Variants in LRCH1 observed in about 807,000 individuals in gnomAD.
The protein encoded by LRCH1 is leucine-rich repeat and calponin homology domain-containing protein 1.
In LRCH1, 23 loss-of-function variants were observed where a neutral mutation model predicts 94.9. The ratio of observed to expected loss-of-function variants is 0.24; its 90% CI spans 0.17 to 0.34. LRCH1 has a LOEUF of 0.34. Ranked by LOEUF, LRCH1 falls within the 10% of genes least tolerant of loss-of-function variation. The probability of loss-of-function intolerance (pLI) is 1.00; values close to 1 mark genes in which losing one functional copy is unlikely to be tolerated. For synonymous variants in LRCH1, 364 were observed against 354.9 expected (o/e 1.03, Z -0.29); for missense variants, 790 against 945.9 (o/e 0.84, Z 2.16).
rs3803191 is a variant in LRCH1 at position 46,578,445 on chromosome 13, G to A, written c.307+24742G>A. On this transcript the variant is annotated intron_variant, in intron 1 of 19. Coordinates refer to ENST00000389797, the MANE Select transcript of LRCH1 (RefSeq NM_001164211.2). ...CAGCTGGAGGATCTCATTAAAATTC[G>A]GAGGAAAATATGAAGGCTGGAGCCT... is the stretch of plus-strand genomic sequence containing the variant. Among the ~76,000 whole-genome samples the A allele has an allele frequency of 4.1e-4, 62 of 152,286 alleles. No individual in the cohort carries two copies. In the East Asian group the frequency reaches 7.7e-3, roughly 19 times the overall value.
chr13:46,731,984 T>G (rs1873132899), intron 18 of LRCH1, among the ~76,000 whole-genome samples: 1 of 152,242 alleles, frequency 6.6e-6, no homozygotes, highest in African/African-American at 2.4e-5. Context: ...ATACTGTACC[T>G]TCCTTTAGGT....
At position 46,743,617 on chromosome 13, in the gene LRCH1, A is replaced by T; in HGVS notation, c.*1769A>T. ...GATTATTCCAAGTTTTTATCAGCCC[A>T]TTGATACATGTATTCATGAGCTCTC... On this transcript the variant is annotated 3_prime_UTR_variant, in exon 20 of 20. Transcript: ENST00000389797. The T allele has an allele frequency of 5.1e-6, 5 of 985,564 alleles. No individual in the cohort carries two copies. Among genetic ancestry groups the T allele is most frequent in the Non-Finnish European group, 6.0e-6 (5 of 829,916 alleles). The allele number at this position is 985,564 out of a possible 1,614,324, so 61.1% of individuals were successfully genotyped here.
chr13:46,708,382 C>G (rs1159347057), intron 13 of LRCH1, among the ~76,000 whole-genome samples: 1 of 151,046 alleles, frequency 6.6e-6, no homozygotes, highest in Non-Finnish European at 1.5e-5. Context: ...AGCAATTCTC[C>G]TGCCTCAGCT....
chr13:46,579,078 G>A (rs1178763289), intron 1 of LRCH1, among the ~76,000 whole-genome samples: 2 of 152,136 alleles, frequency 1.3e-5, no homozygotes, highest in Admixed American at 1.3e-4. Context: ...GCAGGGAAAG[G>A]GCTGCATTCT....
intron 16 of LRCH1, among the ~76,000 whole-genome samples, chr13:46,722,675 T>C (rs942314856): frequency 6.6e-5 from 10 of 152,192 alleles, no homozygotes; most frequent in Non-Finnish European, 1.2e-4. Flanking sequence ...GGGCTAACTT[T>C]TTAGATAGTC....
At chr13:46,644,670 A>G (rs970395443) in intron 1 of LRCH1, among the ~76,000 whole-genome samples, 7 of 152,230 alleles carry the variant, frequency 4.6e-5, no homozygotes, top group Non-Finnish European at 1.0e-4. Flanking sequence ...CACAAACCCA[A>G]GACAACAGGG....
chr13:46,736,725 T>C (rs371361765), intron 19 of LRCH1, among the ~76,000 whole-genome samples: 2 of 152,340 alleles, frequency 1.3e-5, no homozygotes, highest in East Asian at 1.9e-4. Context: ...ATTTGCAAGC[T>C]TTTTCTACTT....
At chr13:46,735,805 T>C (rs1260840212) in intron 19 of LRCH1, among the ~76,000 whole-genome samples, 1 of 147,890 alleles carries the variant, frequency 6.8e-6, no homozygotes, top group Non-Finnish European at 1.5e-5. Flanking sequence ...TTTTTTTTTT[T>C]TTTTCGAGAT....
intron 10 of LRCH1, 124 bp downstream of exon 10, chr13:46,699,527 C>T: frequency 1.2e-6 from 1 of 818,954 alleles, no homozygotes; most frequent in Admixed American, 2.1e-5. Flanking sequence ...TTCTTACAGA[C>T]AATATTGATA....
intron 1 of LRCH1, among the ~76,000 whole-genome samples, chr13:46,616,883 G>T (rs891831419): frequency 6.6e-6 from 1 of 152,236 alleles, no homozygotes; most frequent in African/African-American, 2.4e-5. Context: ...TGTTTTGCGG[G>T]CAGGAGTGGA....
At chr13:46,588,955 A>ATG (rs950795676) in intron 1 of LRCH1, among the ~76,000 whole-genome samples, 5 of 151,610 alleles carry the variant, frequency 3.3e-5, no homozygotes, top group Admixed American at 1.3e-4. Context: ...AGGTATGCGG[A>ATG]TGTGTGTATA....
chr13:46,590,973 C>CA (rs1566162129), intron 1 of LRCH1, among the ~76,000 whole-genome samples: 1 of 147,874 alleles, frequency 6.8e-6, no homozygotes, highest in Non-Finnish European at 1.5e-5. Flanking sequence ...TTGCTTATGG[C>CA]TTTTTTTTTT....
intron 4 of LRCH1, 62 bp downstream of exon 4, chr13:46,681,908 G>C: frequency 2.9e-6 from 3 of 1,047,668 alleles, no homozygotes; most frequent in Non-Finnish European, 2.9e-6. Flanking sequence ...TGTTTTGGGG[G>C]GTTTACTTTT....
chr13:46,603,863 C>T (rs2050659001), intron 1 of LRCH1, among the ~76,000 whole-genome samples: 1 of 152,108 alleles, frequency 6.6e-6, no homozygotes, highest in Non-Finnish European at 1.5e-5. Context: ...CACTATGTTG[C>T]CCAGGCTGGT....
At position 46,647,839 on chromosome 13, in the gene LRCH1, G is replaced by A. The variant is rs549606508; in HGVS notation, c.308-2362G>A. Among the ~76,000 whole-genome samples the A allele has an allele frequency of 1.9e-4, 27 of 141,468 alleles. No individual in the cohort carries two copies. In the South Asian group the frequency reaches 5.7e-3, roughly 30 times the overall value. The allele number at this position is 141,468 out of a possible 152,430, so 92.8% of individuals were successfully genotyped here. A position where few individuals can be genotyped will look rare whatever the true frequency, so the allele number is the denominator to read the frequency against. ...TTGTAAATGGCTATCTAGTTTTCTC[G>A]AACTACTGGCCTTGTGTCTTTTCCC... On this transcript the variant is annotated intron_variant, in intron 1 of 19. Transcript: ENST00000389797.
At chr13:46,701,696 C>T (rs1476280437) in intron 11 of LRCH1, among the ~76,000 whole-genome samples, 1 of 152,046 alleles carries the variant, frequency 6.6e-6, no homozygotes, top group Non-Finnish European at 1.5e-5. Context: ...TCTGAATTTG[C>T]CTTGATCGAT....
At chr13:46,667,613 G>A (rs577714846) in intron 2 of LRCH1, among the ~76,000 whole-genome samples, 10 of 151,682 alleles carry the variant, frequency 6.6e-5, no homozygotes, top group East Asian at 3.9e-4. Context: ...CCAACATGGC[G>A]CATGTATACA....
At chr13:46,610,754 GTTCCATATTTT>G (rs2050739484) in intron 1 of LRCH1, among the ~76,000 whole-genome samples, 1 of 152,058 alleles carries the variant, frequency 6.6e-6, no homozygotes, top group Admixed American at 6.6e-5. Flanking sequence ...ATTTGTGCTG[GTTCCATATTTT>G]TGCAGTTGTG....
chr13:46,664,217 A>T (rs1257151316), intron 2 of LRCH1, among the ~76,000 whole-genome samples: 1 of 152,228 alleles, frequency 6.6e-6, no homozygotes, highest in Non-Finnish European at 1.5e-5. Context: ...AATTTTAGCA[A>T]TTAGGATGTA....
Sources: gnomAD v4.1 joint callset for allele counts (sites outside exome capture counted in the v4.1 genomes callset) on GRCh38, gnomAD v4.1.1 for gene constraint, MANE v1.5 for transcripts, NCBI Gene and HGNC (gene_info 2026-07-23, HGNC 2026-07-21) for gene names.